The following NOSTRIN variants were observed in gnomAD, a reference collection of about 807,000 sequenced individuals.
NOSTRIN encodes BM247 homolog.
In NOSTRIN, 63 loss-of-function variants were observed where a neutral mutation model predicts 59.0. The ratio of observed to expected loss-of-function variants is 1.07; its 90% CI spans 0.87 to 1.32. The LOEUF (loss-of-function observed/expected upper bound fraction) is 1.32. Among genes scored for constraint, NOSTRIN ranks in the 40% most tolerant of loss-of-function variants. NOSTRIN has a pLI of 0.00. For missense variants in NOSTRIN, 512 were observed against 473.1 expected, an observed-to-expected ratio of 1.08 and a Z score of -0.76; for synonymous variants, 200 against 165.4, an observed-to-expected ratio of 1.21 and a Z score of -1.61.
chr2:168,853,771 G>C (rs1341627882), intron 10 of NOSTRIN, among the ~76,000 whole-genome samples: 1 of 152,120 alleles, frequency 6.6e-6, no homozygotes, highest in African/African-American at 2.4e-5. Flanking sequence ...GAGCATTTGG[G>C]GTCAACTTGG....
intron 6 of NOSTRIN, 68 bp downstream of exon 6, chr2:168,831,602 A>C (rs138293199): frequency 0.013 from 9,901 of 791,002 alleles, 87 homozygotes; most frequent in Non-Finnish European, 0.016. Context: ...CTTTCATACA[A>C]ATGCGATGAC....
At chr2:168,842,863 G>T in intron 7 of NOSTRIN, 129 bp from the exon 8 acceptor site, 1 of 664,324 alleles carries the variant, frequency 1.5e-6, no homozygotes, top group Non-Finnish European at 2.6e-6. Context: ...GTCAACTATA[G>T]TCACTGTTTA....
At chr2:168,841,425 G>T (rs535227165) in intron 7 of NOSTRIN, among the ~76,000 whole-genome samples, 1 of 152,132 alleles carries the variant, frequency 6.6e-6, no homozygotes, top group Admixed American at 6.5e-5. Context: ...TTATATTACT[G>T]TACACTGATT....
rs753600226 is a variant in NOSTRIN at position 168,860,822 on chromosome 2, T to C, written c.1207T>C (p.Ser403Pro). 6.2e-7 allele frequency: 1 copy of C among 1,613,442 alleles called. No individual in the cohort carries two copies. Among genetic ancestry groups the C allele is most frequent in the Admixed American group, 1.7e-5 (1 of 60,014 alleles). Residue 403 changes from serine to proline, a missense_variant, in exon 14 of 16, where the codon TCT becomes CCT. Physicochemically the swap from Ser to Pro is moderately conservative, Grantham distance 74 (BLOSUM62 -1). Coordinates refer to ENST00000317647, the MANE Select transcript of NOSTRIN (RefSeq NM_001039724.4). ...KEHTHSYVKI[S>P]RPFLMKRLEN... ...GCATACTCATAGCTATGTGAAAATA[T>C]CTCGGCCTTTTTTAATGAAGAGATT...
intron 10 of NOSTRIN, 110 bp from the exon 11 acceptor site, chr2:168,855,242 T>G: frequency 3.7e-6 from 2 of 540,588 alleles, no homozygotes; most frequent in East Asian, 6.4e-5. Flanking sequence ...AAATTTTGTT[T>G]TATTTTATAA....
intron 6 of NOSTRIN, among the ~76,000 whole-genome samples, chr2:168,832,841 C>T (rs180867585): frequency 3.3e-5 from 5 of 152,180 alleles, no homozygotes; most frequent in East Asian, 1.9e-4. Context: ...AGGCTGATCC[C>T]GAACTCCTGG....
At position 168,846,285 on chromosome 2, in the gene NOSTRIN, G is replaced by A. The variant is rs540218632; in HGVS notation, c.630+3168G>A. 8.0e-4 allele frequency among the ~76,000 whole-genome samples: 122 copies of A among 152,262 alleles called. 4 individuals are homozygous for A. In the South Asian group the frequency reaches 0.025, roughly 31 times the overall value. ...TATTATAAGTGTGAGAGATGGAAAT[G>A]GGACAGTTAGGGTCTCTCAGTTTCA... On this transcript the variant is annotated intron_variant, in intron 8 of 15. Transcript: ENST00000317647.
upstream of NOSTRIN, among the ~76,000 whole-genome samples, chr2:168,796,098 G>C (rs1459528601): frequency 6.6e-6 from 1 of 152,212 alleles, no homozygotes; most frequent in East Asian, 1.9e-4. Context: ...GAATGAGATT[G>C]CTTCTACACT....
rs527447805 is a variant in NOSTRIN at position 168,845,379 on chromosome 2, A to C, written c.630+2262A>C. On this transcript the variant is annotated intron_variant, in intron 8 of 15. Coordinates refer to ENST00000317647, the MANE Select transcript of NOSTRIN (RefSeq NM_001039724.4). ...CCATCTTCCAGGCACCCACCCTTCA[A>C]GGGCTATGAGAAAAATATTTCACCT... Among the ~76,000 whole-genome samples the C allele has an allele frequency of 9.2e-5, 14 of 152,272 alleles. No homozygotes were observed. The East Asian group carries it at 2.5e-3, about 27-fold the overall frequency.
At chr2:168,853,067 T>C (rs1013693691) in intron 10 of NOSTRIN, among the ~76,000 whole-genome samples, 8 of 152,120 alleles carry the variant, frequency 5.3e-5, no homozygotes, top group African/African-American at 1.9e-4. Flanking sequence ...TCTACCAAAG[T>C]GTAAGGAGGC....
intron 10 of NOSTRIN, 106 bp downstream of exon 10, chr2:168,851,510 A>G: frequency 6.9e-7 from 1 of 1,450,152 alleles, no homozygotes; most frequent in South Asian, 1.5e-5. Flanking sequence ...ATCAATGAAA[A>G]TGATTTCTCA....
intron 3 of NOSTRIN, among the ~76,000 whole-genome samples, chr2:168,826,345 A>G (rs1333142266): frequency 6.6e-6 from 1 of 152,192 alleles, no homozygotes; most frequent in Non-Finnish European, 1.5e-5. Flanking sequence ...TAAACATTAG[A>G]GAATTTTTAT....
chr2:168,841,814 C>T (rs953968199), intron 7 of NOSTRIN, among the ~76,000 whole-genome samples: 12 of 152,296 alleles, frequency 7.9e-5, no homozygotes, highest in Non-Finnish European at 1.3e-4. Flanking sequence ...GCCTTCAGAA[C>T]GAAGTTCCAA....
At chr2:168,838,963 T>G (rs1009010706) in intron 7 of NOSTRIN, among the ~76,000 whole-genome samples, 4 of 151,846 alleles carry the variant, frequency 2.6e-5, no homozygotes, top group African/African-American at 9.7e-5. Context: ...TTTTGTATTT[T>G]TAGTAGAGAC....
chr2:168,800,451 G>A (rs1218307715), upstream of NOSTRIN, among the ~76,000 whole-genome samples: 1 of 152,050 alleles, frequency 6.6e-6, no homozygotes, highest in Non-Finnish European at 1.5e-5. Flanking sequence ...TTCTCAGTCT[G>A]GATTCAGCTG....
upstream of NOSTRIN, among the ~76,000 whole-genome samples, chr2:168,800,062 C>G (rs993337218): frequency 6.6e-6 from 1 of 152,214 alleles, no homozygotes; most frequent in South Asian, 2.1e-4. Flanking sequence ...CTTCCACTCA[C>G]TCTTGTGGCT....
chr2:168,815,572 G>T (rs908800602), intron 2 of NOSTRIN, among the ~76,000 whole-genome samples: 2 of 152,192 alleles, frequency 1.3e-5, no homozygotes, highest in African/African-American at 4.8e-5. Flanking sequence ...AGGAGGTATA[G>T]TTGACCACTT....
intron 7 of NOSTRIN, among the ~76,000 whole-genome samples, chr2:168,841,602 A>G (rs1688112588): frequency 6.6e-6 from 1 of 152,322 alleles, no homozygotes; most frequent in Middle Eastern, 3.4e-3. Context: ...TTTCACTGGC[A>G]ATAATTACAC....
At chr2:168,821,185 A>G (rs1686714805) in intron 2 of NOSTRIN, among the ~76,000 whole-genome samples, 1 of 152,256 alleles carries the variant, frequency 6.6e-6, no homozygotes, top group African/African-American at 2.4e-5. Context: ...AAAGAATACA[A>G]TGCTGGAAAG....
Sources: allele counts gnomAD v4.1 joint callset (sites outside exome capture counted in the v4.1 genomes callset), GRCh38; gene constraint gnomAD v4.1.1; transcripts MANE v1.5; gene names NCBI Gene and HGNC (gene_info 2026-07-23, HGNC 2026-07-21).